PSD4: variants seen among roughly 807,000 people sequenced by gnomAD.
The protein encoded by PSD4 is PH and SEC7 domain-containing protein 4.
In PSD4, 59 loss-of-function variants were observed where a neutral mutation model predicts 112.5. The observed-to-expected ratio is 0.52, with a 90% CI of 0.43 to 0.65. The LOEUF is 0.65. Among genes scored for constraint, PSD4 ranks in the 30% least tolerant of loss-of-function variants. The pLI is 0.00. For synonymous variants in PSD4, 533 were observed against 540.0 expected, an observed-to-expected ratio of 0.99 and a Z score of 0.18; for missense variants, 1,267 against 1,352.6, an observed-to-expected ratio of 0.94 and a Z score of 0.99.
rs1688886518 is a variant in PSD4 at position 113,207,978 on chromosome 2, C to T, written c.*6563C>T. 6.6e-6 allele frequency: 1 copy of T among 152,198 alleles called. No individual in the cohort carries two copies. Among genetic ancestry groups the T allele is most frequent in the Non-Finnish European group, 1.5e-5 (1 of 68,064 alleles). 9.4% of individuals were successfully genotyped at this position (152,198 alleles called of 1,614,324 possible). A position where few individuals can be genotyped will look rare whatever the true frequency, so the allele number is the denominator to read the frequency against. On this transcript the variant is annotated 3_prime_UTR_variant, in exon 17 of 17. Transcript: ENST00000245796. ...TCTCAATTCACTGCAACCTCTGCCT[C>T]CCGGGTTCAAGCAATTCTCCTTCCT...
Position 113,196,251 on chromosome 2 carries a change from C to T in PSD4, c.2330C>T (p.Thr777Ile). The T allele has an allele frequency of 6.2e-7, 1 of 1,614,094 alleles. No individual in the cohort carries two copies. Among genetic ancestry groups the T allele is most frequent in the Non-Finnish European group, 8.5e-7 (1 of 1,179,942 alleles). The stretch of plus-strand genomic sequence containing the variant: ...CTGGCTCAGGATCCCACAGTGCCCA[C>T]CTACAAGCAGGGCATCCTGGCTCGG... ...LQLAQDPTVP[T>I]YKQGILARKM... The change falls in exon 12 of 17, where the codon ACC becomes ATC. Residue 777 changes from threonine (T) to isoleucine (I), a missense_variant. Thr to Ile is a moderately conservative substitution (Grantham distance 89). This residue lies in a region of PSD4 where 544 missense variants were observed against 648.6 expected (regional missense o/e 0.84). Coordinates refer to ENST00000245796, the MANE Select transcript of PSD4 (RefSeq NM_012455.3).
intron 5 of PSD4, among the ~76,000 whole-genome samples, chr2:113,186,464 C>A (rs543470763): frequency 6.6e-6 from 1 of 152,198 alleles, no homozygotes; most frequent in Admixed American, 6.5e-5. Context: ...TAGTTATACA[C>A]GTGGAGGCGA....
Position 113,197,819 on chromosome 2 carries a change from C to A in PSD4, c.2530C>A (p.His844Asn). The A allele has an allele frequency of 6.2e-7, 1 of 1,611,026 alleles. No homozygotes were observed. Among genetic ancestry groups the A allele is most frequent in the Non-Finnish European group, 8.5e-7 (1 of 1,177,888 alleles). Residue 844 changes from histidine (H) to asparagine (N), a missense_variant, in exon 14 of 17, where the codon CAC becomes AAC. Around this residue, in one of 2 missense-constraint regions of PSD4, gnomAD observed 544 missense variants for 648.6 expected, o/e 0.84. Coordinates refer to ENST00000245796, the MANE Select transcript of PSD4 (RefSeq NM_012455.3). Reference protein sequence around the residue: ...QMVDEPVGVHHSLATPATHYT... With the variant: ...QMVDEPVGVHNSLATPATHYT... ...GGTGGATGAGCCCGTGGGGGTGCACCACTCGCTGGCCACCCCCGCCACGCA... is the reference window on the plus strand; with the variant it reads ...GGTGGATGAGCCCGTGGGGGTGCACAACTCGCTGGCCACCCCCGCCACGCA...
In PSD4 at chr2:113,182,452, A is replaced by T; in HGVS notation, c.-5A>T. 1.3e-6 allele frequency: 2 copies of T among 1,597,740 alleles called. No homozygotes were observed. Among genetic ancestry groups the T allele is most frequent in the Non-Finnish European group, 1.7e-6 (2 of 1,169,370 alleles). On this transcript the variant is annotated 5_prime_UTR_variant, in exon 2 of 17. Coordinates refer to ENST00000245796, the MANE Select transcript of PSD4 (RefSeq NM_012455.3). ...GGGCACTCCTGGGCAGCTTTTGCTC[A>T]GTGGATGATGGGTGACTACAGACTC...
At chr2:113,179,593 C>T (rs955714461) in intron 1 of PSD4, among the ~76,000 whole-genome samples, 2 of 152,128 alleles carry the variant, frequency 1.3e-5, no homozygotes, top group African/African-American at 2.4e-5. Flanking sequence ...TAAGGATACC[C>T]GTATCTTGAG....
chr2:113,182,693 C>T lies in PSD4; in HGVS notation c.237C>T (p.Val79=). ...GVELTHLGSW[V]HQDGLEPCQE... ...AGCTCACACACCTGGGGAGCTGGGT[C>T]CATCAGGACGGGCTGGAGCCTTGCC... The change falls in exon 2 of 17, where the codon GTC becomes GTT. Residue 79 remains valine (V), a synonymous_variant. Transcript: ENST00000245796. 6.2e-7 allele frequency: 1 copy of T among 1,609,812 alleles called. No homozygotes were observed. The highest frequency in any genetic ancestry group is 8.5e-7 in the Non-Finnish European group (1 of 1,177,796).
At position 113,182,880 on chromosome 2, in the gene PSD4, G is replaced by T. The variant is rs1473484969; in HGVS notation, c.424G>T (p.Gly142Trp). ...PGSPVNSHLP[G>W]SPKQNRSTST... ...GTCACCAGTGAACAGCCATCTACCG[G>T]GGAGCCCAAAGCAGAACCGGAGCAC... Residue 142 changes from glycine (G) to tryptophan (W), a missense_variant, in exon 2 of 17, where the codon GGG becomes TGG. By Grantham distance (184) the Gly-to-Trp change is radical. Transcript: ENST00000245796. The T allele has an allele frequency of 1.9e-6, 3 of 1,614,094 alleles. No homozygotes were observed. In the Admixed American group the frequency reaches 5.0e-5, roughly 27 times the overall value.
intron 4 of PSD4, 138 bp from the exon 5 acceptor site, chr2:113,185,739 G>A: frequency 6.5e-7 from 1 of 1,549,686 alleles, no homozygotes; most frequent in African/African-American, 1.4e-5. Flanking sequence ...AAGTGGGAGA[G>A]GTCACTGCCC....
At chr2:113,185,540 G>A in intron 4 of PSD4, 100 bp downstream of exon 4, 3 of 1,600,152 alleles carry the variant, frequency 1.9e-6, no homozygotes, top group South Asian at 2.2e-5. Context: ...TGCCATTAAT[G>A]GGTCCCATTA....
At chr2:113,189,817 G>C (rs1364732077) in intron 5 of PSD4, among the ~76,000 whole-genome samples, 1 of 152,094 alleles carries the variant, frequency 6.6e-6, no homozygotes, top group Non-Finnish European at 1.5e-5. Context: ...ATCTTCTTTT[G>C]AGAATTGTCT....
chr2:113,187,164 C>T (rs1438430142), intron 5 of PSD4, among the ~76,000 whole-genome samples: 4 of 152,242 alleles, frequency 2.6e-5, no homozygotes, highest in Admixed American at 6.5e-5. Flanking sequence ...GGAAGGTATT[C>T]ATGCAAGGTC....
In PSD4 at chr2:113,204,475, T is replaced by C. The variant is rs1688836193; in HGVS notation, c.*3060T>C. ...ACCACAGGCCTATGTCTGACCTTGT[T>C]CCCACCCCATGCTCCTCTCCCACCT... On this transcript the variant is annotated 3_prime_UTR_variant, in exon 17 of 17. Transcript: ENST00000245796. 1 of 152,352 alleles carries C rather than the reference T, an allele frequency of 6.6e-6. No homozygotes were observed. The highest frequency in any genetic ancestry group is 2.1e-4 in the South Asian group (1 of 4,834). 9.4% of individuals were successfully genotyped at this position (152,352 alleles called of 1,614,324 possible).
chr2:113,201,070 T>C, intron 16 of PSD4, 88 bp from the exon 17 acceptor site: 1 of 1,509,152 alleles, frequency 6.6e-7, no homozygotes, highest in Non-Finnish European at 8.9e-7. Context: ...CATAGCTTCA[T>C]GTACCTGTGA....
intron 16 of PSD4, among the ~76,000 whole-genome samples, chr2:113,200,863 T>C (rs1688756750): frequency 6.6e-6 from 1 of 152,178 alleles, no homozygotes; most frequent in East Asian, 1.9e-4. Flanking sequence ...GACACATCTT[T>C]TAGTGCCTCA....
At position 113,193,339 on chromosome 2, in the gene PSD4, C is replaced by T. The variant is rs1347513366; in HGVS notation, c.2001C>T (p.His667=). Residue 667 remains histidine, a synonymous_variant, in exon 8 of 17, where the codon CAC becomes CAT. Coordinates refer to ENST00000245796, the MANE Select transcript of PSD4 (RefSeq NM_012455.3). ...TCTACCAGTTCTCCAGACGCTTCCA[C>T]CATTGCAATCCGGGGATCTTCCCCT... ...RILYQFSRRF[H]HCNPGIFPSV... The T allele has an allele frequency of 3.7e-6, 6 of 1,604,796 alleles. No individual in the cohort carries two copies. The highest frequency in any genetic ancestry group is 4.2e-6 in the Non-Finnish European group (5 of 1,177,358).
chr2:113,201,051 CT>C, intron 16 of PSD4, 106 bp from the exon 17 acceptor site: 1 of 1,451,636 alleles, frequency 6.9e-7, no homozygotes. Flanking sequence ...CTGTCGAGGT[CT>C]GTATCGCCAT....
intron 11 of PSD4, 56 bp downstream of exon 11, chr2:113,195,826 T>C (rs1363169651): frequency 6.2e-7 from 1 of 1,604,980 alleles, no homozygotes; most frequent in Non-Finnish European, 8.5e-7. Flanking sequence ...GTCTTTGGAC[T>C]GTCCTCCCTC....
intron 2 of PSD4, among the ~76,000 whole-genome samples, chr2:113,184,235 G>A (rs966164513): frequency 6.6e-6 from 1 of 152,174 alleles, no homozygotes; most frequent in Non-Finnish European, 1.5e-5. Context: ...ACCCAGAGCA[G>A]CTCTATTACC....
In PSD4 at chr2:113,182,772, C is replaced by A. The variant is rs1688180556; in HGVS notation, c.316C>A (p.Pro106Thr). The change falls in exon 2 of 17, where the codon CCC becomes ACC. Residue 106 changes from proline to threonine, a missense_variant. By Grantham distance (38) the Pro-to-Thr change is conservative (BLOSUM62 -1). Around this residue, in one of 2 missense-constraint regions of PSD4, gnomAD observed 723 missense variants for 704.0 expected, o/e 1.03. Transcript: ENST00000245796. Reference protein sequence around the residue: ...PPESTRQDAPPWGSGVELTHL... With the variant: ...PPESTRQDAPTWGSGVELTHL... The stretch of plus-strand genomic sequence containing the variant: ...TGAATCTACCAGACAAGATGCTCCT[C>A]CCTGGGGCTCCGGTGTGGAGCTCAC... 6.3e-7 allele frequency: 1 copy of A among 1,594,354 alleles called. No homozygotes were observed. Among genetic ancestry groups the A allele is most frequent in the African/African-American group, 1.3e-5 (1 of 74,466 alleles).
Sources: allele counts gnomAD v4.1 joint callset (sites outside exome capture counted in the v4.1 genomes callset), GRCh38; gene constraint gnomAD v4.1.1; regional missense constraint gnomAD v4.1.1; transcripts MANE v1.5; gene names NCBI Gene and HGNC (gene_info 2026-07-23, HGNC 2026-07-21).